MAGI2: variants seen among roughly 807,000 people sequenced by gnomAD.
The protein encoded by MAGI2 is membrane associated guanylate kinase, WW and PDZ domain containing 2, also known as membrane-associated guanylate kinase, WW and PDZ domain-containing protein 2.
A neutral mutation model predicts 133.3 loss-of-function variants in MAGI2; 35 were observed. That is an observed-to-expected ratio of 0.26 (90% confidence interval 0.20 to 0.35). The LOEUF (loss-of-function observed/expected upper bound fraction) is 0.35, where lower values mean the gene tolerates loss of function less well. Among genes scored for constraint, MAGI2 ranks in the 10% least tolerant of loss-of-function variants. MAGI2 has a pLI of 1.00. For missense variants in MAGI2, 1,636 were observed against 1,863.4 expected (o/e 0.88, Z 2.25); for synonymous variants, 729 against 710.6 (o/e 1.03, Z -0.41).
intron 21 of MAGI2, among the ~76,000 whole-genome samples, chr7:78,030,130 A>C (rs1160938324): frequency 6.6e-6 from 1 of 152,172 alleles, no homozygotes; most frequent in East Asian, 1.9e-4. Context: ...TAACATTTTC[A>C]GCCTCAATTT....
chr7:78,733,503 T>C (rs1821564199), intron 2 of MAGI2, among the ~76,000 whole-genome samples: 1 of 152,238 alleles, frequency 6.6e-6, no homozygotes, highest in South Asian at 2.1e-4. Context: ...AGCAAAAATA[T>C]TGTAATAGAA....
chr7:79,328,392 C>T (rs147627128), intron 1 of MAGI2, among the ~76,000 whole-genome samples: 1 of 152,256 alleles, frequency 6.6e-6, no homozygotes, highest in East Asian at 1.9e-4. Context: ...CTTTGTCACC[C>T]TCTTCAGACT....
intron 2 of MAGI2, among the ~76,000 whole-genome samples, chr7:78,784,654 C>T (rs10252524): frequency 0.42 from 63,841 of 152,020 alleles, 13,703 homozygotes; most frequent in Non-Finnish European, 0.47. Context: ...CTGGGTTTCT[C>T]CACTCAGTCT....
chr7:79,001,351 C>T (rs1476269576), intron 2 of MAGI2, among the ~76,000 whole-genome samples: 1 of 152,176 alleles, frequency 6.6e-6, no homozygotes, highest in African/African-American at 2.4e-5. Context: ...CACCAAATGA[C>T]AAAGAACAGT....
chr7:79,276,552 C>T lies in MAGI2; in HGVS notation c.301+176468G>A, dbSNP rs530085872. Among the ~76,000 whole-genome samples the T allele has an allele frequency of 8.5e-5, 13 of 152,248 alleles. No homozygotes were observed. The South Asian group carries it at 1.9e-3, about 22-fold the overall frequency. On this transcript the variant is annotated intron_variant, in intron 1 of 21. Coordinates refer to ENST00000354212, the MANE Select transcript of MAGI2 (RefSeq NM_012301.4). ...CAATTTGCTGCAATTTCATGAAAAACTTGAACAGATAAACACATGAGGAAT... is the reference window on the plus strand; with the variant it reads ...CAATTTGCTGCAATTTCATGAAAAATTTGAACAGATAAACACATGAGGAAT...
intron 18 of MAGI2, among the ~76,000 whole-genome samples, chr7:78,131,494 G>A (rs1563160990): frequency 6.6e-6 from 1 of 152,142 alleles, no homozygotes; most frequent in Non-Finnish European, 1.5e-5. Context: ...CTTCATCTTC[G>A]CCATCATGGG....
chr7:78,508,681 C>CAT lies in MAGI2; in HGVS notation c.755-6896_755-6895dup, dbSNP rs560237368. 1.4e-4 allele frequency among the ~76,000 whole-genome samples: 22 copies of CAT among 152,078 alleles called. No individual in the cohort carries two copies. In the South Asian group the frequency reaches 4.2e-3, roughly 29 times the overall value. On this transcript the variant is annotated intron_variant, in intron 4 of 21. Coordinates refer to ENST00000354212, the MANE Select transcript of MAGI2 (RefSeq NM_012301.4). Reference sequence around the variant, plus strand: ...CATGTAAGCATGCTCTCGCACACATCATATATATATCAGATCTGTGGTTTG... The same window carrying CAT: ...CATGTAAGCATGCTCTCGCACACATCATATATATATATCAGATCTGTGGTTTG...
intron 1 of MAGI2, among the ~76,000 whole-genome samples, chr7:79,158,840 G>T (rs1824070092): frequency 1.3e-5 from 2 of 151,924 alleles, no homozygotes; most frequent in East Asian, 1.9e-4. Flanking sequence ...TCATAATTTA[G>T]AATCTAATTT....
At chr7:79,158,726 T>C (rs1824061545) in intron 1 of MAGI2, among the ~76,000 whole-genome samples, 1 of 152,204 alleles carries the variant, frequency 6.6e-6, no homozygotes, top group East Asian at 1.9e-4. Context: ...TAAAAATGGT[T>C]AATAGAAAAA....
At chr7:78,230,958 T>A (rs1789905467) in intron 10 of MAGI2, among the ~76,000 whole-genome samples, 1 of 152,128 alleles carries the variant, frequency 6.6e-6, no homozygotes, top group African/African-American at 2.4e-5. Flanking sequence ...TTGGGGAGGA[T>A]GGTCTTTAGT....
At chr7:78,380,308 C>A (rs552046445) in intron 6 of MAGI2, among the ~76,000 whole-genome samples, 8 of 151,812 alleles carry the variant, frequency 5.3e-5, no homozygotes, top group Non-Finnish European at 8.8e-5. Context: ...AAGAAGGAAG[C>A]AATAGTAAAA....
At chr7:78,908,928 G>A (rs2151609243) in intron 2 of MAGI2, among the ~76,000 whole-genome samples, 1 of 152,126 alleles carries the variant, frequency 6.6e-6, no homozygotes, top group Non-Finnish European at 1.5e-5. Flanking sequence ...TGAAAATGCT[G>A]AAAGCAATTG....
At chr7:78,056,932 C>T (rs1362316358) in intron 21 of MAGI2, among the ~76,000 whole-genome samples, 2 of 152,004 alleles carry the variant, frequency 1.3e-5, no homozygotes, top group Non-Finnish European at 2.9e-5. Context: ...ATTGAGGCTG[C>T]TCCACCTTTT....
intron 1 of MAGI2, among the ~76,000 whole-genome samples, chr7:79,059,541 C>G (rs1813516528): frequency 6.6e-6 from 1 of 152,002 alleles, no homozygotes; most frequent in Non-Finnish European, 1.5e-5. Context: ...ATATTCCGTG[C>G]TTAAAAAATG....
chr7:78,855,165 G>A (rs914113275), intron 2 of MAGI2, among the ~76,000 whole-genome samples: 2 of 152,084 alleles, frequency 1.3e-5, no homozygotes, highest in African/African-American at 4.8e-5. Context: ...TGGAATAACA[G>A]CTCACTGCGG....
chr7:78,045,930 C>A (rs372765850), intron 21 of MAGI2, among the ~76,000 whole-genome samples: 1 of 152,204 alleles, frequency 6.6e-6, no homozygotes, highest in East Asian at 1.9e-4. Flanking sequence ...ATTGGACATT[C>A]AGTGGCCTTG....
intron 2 of MAGI2, among the ~76,000 whole-genome samples, chr7:78,988,707 C>T (rs1457328204): frequency 1.3e-5 from 2 of 152,064 alleles, no homozygotes; most frequent in African/African-American, 2.4e-5. Flanking sequence ...CACCGTGAAC[C>T]TCTATAGCCC....
At chr7:78,923,559 G>C (rs1328307325) in intron 2 of MAGI2, among the ~76,000 whole-genome samples, 3 of 152,128 alleles carry the variant, frequency 2.0e-5, no homozygotes, top group Admixed American at 6.6e-5. Context: ...CTATATCTCT[G>C]TTTTGGTACC....
At chr7:79,157,373 T>C (rs1394868260) in intron 1 of MAGI2, among the ~76,000 whole-genome samples, 1 of 151,822 alleles carries the variant, frequency 6.6e-6, no homozygotes, top group Admixed American at 6.6e-5. Flanking sequence ...AGGAAACGCA[T>C]ATAAGGGCTG....
Sources: gnomAD v4.1 joint callset for allele counts (sites outside exome capture counted in the v4.1 genomes callset) on GRCh38, gnomAD v4.1.1 for gene constraint, MANE v1.5 for transcripts, NCBI Gene and HGNC (gene_info 2026-07-23, HGNC 2026-07-21) for gene names.